DLC1: variants seen among roughly 807,000 people sequenced by gnomAD.
DLC1 encodes the protein rho GTPase-activating protein 7.
A neutral mutation model predicts 140.3 loss-of-function variants in DLC1; 54 were observed. That is an observed-to-expected ratio of 0.38 (90% CI 0.31 to 0.48). The LOEUF (loss-of-function observed/expected upper bound fraction) is 0.48. Ranked by LOEUF, DLC1 falls within the 20% of genes least tolerant of loss-of-function variation. The pLI is 0.96. For synonymous variants in DLC1, 986 were observed against 728.1 expected, an observed-to-expected ratio of 1.35 and a Z score of -5.70; for missense variants, 2,536 against 1,907.0, an observed-to-expected ratio of 1.33 and a Z score of -6.14.
chr8:13,255,216 C>A (rs1477016046), intron 5 of DLC1, among the ~76,000 whole-genome samples: 1 of 152,050 alleles, frequency 6.6e-6, no homozygotes, highest in Non-Finnish European at 1.5e-5. Context: ...AGTGATCTGC[C>A]CACCTAGGCT....
At chr8:13,541,967 C>T (rs1053795622) in intron 1 of DLC1, among the ~76,000 whole-genome samples, 1 of 152,170 alleles carries the variant, frequency 6.6e-6, no homozygotes, top group Non-Finnish European at 1.5e-5. Context: ...GATATAAGTG[C>T]TTGATCAGTA....
intron 4 of DLC1, chr8:13,341,673 T>C (rs1252261059): frequency 6.6e-6 from 1 of 152,104 alleles, no homozygotes; most frequent in African/African-American, 2.4e-5. Flanking sequence ...AGTGGCCAGG[T>C]TGTGACTCTG....
At chr8:13,452,918 G>A (rs1290294245) in intron 2 of DLC1, among the ~76,000 whole-genome samples, 1 of 152,064 alleles carries the variant, frequency 6.6e-6, no homozygotes. Context: ...GGATGAGAAT[G>A]GCCATGATAT....
rs144644763 is a variant in DLC1 at position 13,092,662 on chromosome 8, C to A, written c.3690G>T (p.Ala1230=). 1 of 1,614,160 alleles carries A rather than the reference C, an allele frequency of 6.2e-7. No individual in the cohort carries two copies. Among genetic ancestry groups the A allele is most frequent in the Middle Eastern group, 1.7e-4 (1 of 6,060 alleles). The change falls in exon 13 of 18, where the codon GCG becomes GCT. Residue 1230 remains alanine, a synonymous_variant. Coordinates refer to ENST00000276297, the MANE Select transcript of DLC1 (RefSeq NM_182643.3). ...MTPTNLAVCL[A]PSLFHLNTLK... ...GGGTGTTGAGATGGAAGAGGGAAGG[C>A]GCTAAGCACACGGCCAGGTTGGTTG...
chr8:13,299,629 C>T (rs1476182142), intron 5 of DLC1, among the ~76,000 whole-genome samples: 1 of 151,806 alleles, frequency 6.6e-6, no homozygotes, highest in Non-Finnish European at 1.5e-5. Flanking sequence ...AAAGTTTGAG[C>T]AACCAACAAA....
intron 4 of DLC1, among the ~76,000 whole-genome samples, chr8:13,346,414 A>T (rs1834342342): frequency 6.6e-6 from 1 of 152,232 alleles, no homozygotes; most frequent in Non-Finnish European, 1.5e-5. Context: ...TTTGCAAACA[A>T]GTTGTCGTCC....
chr8:13,202,329 T>G (rs1229738976), intron 5 of DLC1, among the ~76,000 whole-genome samples: 2 of 152,220 alleles, frequency 1.3e-5, no homozygotes, highest in Non-Finnish European at 2.9e-5. Flanking sequence ...CAGGGTACAG[T>G]GTGATGTTTT....
intron 4 of DLC1, among the ~76,000 whole-genome samples, chr8:13,325,041 T>G (rs1375496997): frequency 1.3e-5 from 2 of 152,210 alleles, no homozygotes; most frequent in Non-Finnish European, 2.9e-5. Flanking sequence ...CTTTCTGAAA[T>G]GCATCACATA....
Position 13,088,601 on chromosome 8 carries a change from T to C in DLC1, c.4178A>G (p.Asp1393Gly), listed in dbSNP as rs1487983995. ...CACTTTTGAATCCAACAGGTCTACA[T>C]CCCAGAGGTGCTGTTCTTTAAGTAG... is the stretch of plus-strand genomic sequence containing the variant. ...KRLLKEQHLW[D>G]VDLLDSKVIE... The change falls in exon 16 of 18, where the codon GAT (aspartate) becomes GGT (glycine). Residue 1393 changes from aspartate to glycine, a missense_variant. By Grantham distance (94) the Asp-to-Gly change is moderately conservative. Transcript: ENST00000276297. 1 of 1,614,170 alleles carries C rather than the reference T, an allele frequency of 6.2e-7. No individual in the cohort carries two copies. The highest frequency in any genetic ancestry group is 2.2e-5 in the East Asian group (1 of 44,872).
intron 5 of DLC1, among the ~76,000 whole-genome samples, chr8:13,138,637 AT>A (rs1822740889): frequency 6.6e-6 from 1 of 152,262 alleles, no homozygotes; most frequent in Admixed American, 6.5e-5. Context: ...TTTGAAAATA[AT>A]TTTAAATGGT....
intron 1 of DLC1, among the ~76,000 whole-genome samples, chr8:13,552,070 CCT>C (rs1803878036): frequency 1.4e-5 from 1 of 73,886 alleles, no homozygotes; most frequent in African/African-American, 5.3e-5. Flanking sequence ...TATATATATA[CCT>C]CTTTCTCTCT....
In DLC1 at chr8:13,311,055, C is replaced by T. The variant is rs188097300; in HGVS notation, c.1315-5753G>A. 1.2e-3 allele frequency among the ~76,000 whole-genome samples: 182 copies of T among 152,168 alleles called. 2 individuals are homozygous for T. Among genetic ancestry groups the T allele is most frequent in the South Asian group, 1.7e-3 (8 of 4,818 alleles). ...TGGGTTTGATTTGTGGGTTGTATTA[C>T]TCATAATACACACTAGGATACATAA... On this transcript the variant is annotated intron_variant, in intron 4 of 17. Transcript: ENST00000276297.
chr8:13,376,229 A>T (rs1056733666), intron 4 of DLC1, among the ~76,000 whole-genome samples: 1 of 152,200 alleles, frequency 6.6e-6, no homozygotes, highest in Non-Finnish European at 1.5e-5. Flanking sequence ...CACATTGTCC[A>T]GTAAACACCA....
intron 1 of DLC1, among the ~76,000 whole-genome samples, chr8:13,601,752 AT>A (rs1805894327): frequency 6.6e-6 from 1 of 151,688 alleles, no homozygotes; most frequent in Non-Finnish European, 1.5e-5. Context: ...GAGACAATTA[AT>A]TTTTACTATA....
chr8:13,550,819 C>G (rs910722096), intron 1 of DLC1, among the ~76,000 whole-genome samples: 1 of 152,090 alleles, frequency 6.6e-6, no homozygotes, highest in Non-Finnish European at 1.5e-5. Context: ...TCAGAAAACT[C>G]TGGCTCAGAT....
Position 13,331,009 on chromosome 8 carries a change from A to G in DLC1, c.1315-25707T>C, listed in dbSNP as rs530407691. Among the ~76,000 whole-genome samples, 144 of 152,314 alleles carry G rather than the reference A, an allele frequency of 9.5e-4. 1 individual carries two copies. In the South Asian group the frequency reaches 0.011, roughly 12 times the overall value. The stretch of plus-strand genomic sequence containing the variant: ...AAAGAATAAATCCAGAAAGCTCACA[A>G]TGAGCACCAAGGGTATCCAAACCAG... On this transcript the variant is annotated intron_variant, in intron 4 of 17. Coordinates refer to ENST00000276297, the MANE Select transcript of DLC1 (RefSeq NM_182643.3).
chr8:13,210,773 A>G (rs1217353794), intron 5 of DLC1, among the ~76,000 whole-genome samples: 1 of 152,208 alleles, frequency 6.6e-6, no homozygotes, highest in Non-Finnish European at 1.5e-5. Context: ...TCTTTTGAGG[A>G]AAATGATTTA....
chr8:13,568,741 G>C (rs1242912074), intron 1 of DLC1, among the ~76,000 whole-genome samples: 2 of 152,158 alleles, frequency 1.3e-5, no homozygotes. Flanking sequence ...GCTAAGGAAT[G>C]AATATTTAAA....
chr8:13,133,047 C>T (rs111736825), intron 5 of DLC1: 3 of 1,570,374 alleles, frequency 1.9e-6, no homozygotes, highest in African/African-American at 2.7e-5. Flanking sequence ...GCTCGGCTTC[C>T]GCGTCGGGAC....
Sources: allele counts gnomAD v4.1 joint callset (sites outside exome capture counted in the v4.1 genomes callset), GRCh38; gene constraint gnomAD v4.1.1; transcripts MANE v1.5; gene names NCBI Gene and HGNC (gene_info 2026-07-23, HGNC 2026-07-21).